TRPM1: variants seen among roughly 807,000 people sequenced by gnomAD.
TRPM1 encodes the protein TRPM1-203 APA Isoform, Intron 10.
Under a neutral mutation model 149.4 loss-of-function variants are expected in TRPM1, and 113 were observed. The observed-to-expected ratio is 0.76, with a 90% CI of 0.65 to 0.88. The LOEUF (loss-of-function observed/expected upper bound fraction) is 0.88. Ranked by LOEUF, TRPM1 falls within the 40% of genes least tolerant of loss-of-function variation. TRPM1 has a pLI of 0.00. For missense variants in TRPM1, 1,976 were observed against 2,038.7 expected (o/e 0.97, Z 0.59); for synonymous variants, 741 against 759.5 (o/e 0.98, Z 0.40).
At chr15:31,089,144 G>C (rs963168685) in intron 1 of TRPM1, among the ~76,000 whole-genome samples, 1 of 152,146 alleles carries the variant, frequency 6.6e-6, no homozygotes, top group African/African-American at 2.4e-5. Flanking sequence ...CTGAAGACAG[G>C]CTGCTGCTGT....
In TRPM1 at chr15:31,042,217, C is replaced by T. The variant is rs2033640747; in HGVS notation, c.1821G>A (p.Lys607=). Residue 607 remains lysine (K), a synonymous_variant, in exon 17 of 28, where the codon AAG becomes AAA. Coordinates refer to ENST00000256552, the MANE Select transcript of TRPM1 (RefSeq NM_001252024.2). ...CCTCCTTTTTCTTCTTTTTCTTTTT[C>T]TTCCCTTTAGCTGGAGGCTCATCAT... is the stretch of plus-strand genomic sequence containing the variant. The part of the protein sequence containing the change: ...MEDDEPPAKG[K]KKKKKKKEEE... The T allele has an allele frequency of 6.3e-7, 1 of 1,594,678 alleles. No homozygotes were observed. The highest frequency in any genetic ancestry group is 8.5e-7 in the Non-Finnish European group (1 of 1,170,510).
chr15:31,114,469 A>G (rs902767552), intron 1 of TRPM1, among the ~76,000 whole-genome samples: 1 of 152,238 alleles, frequency 6.6e-6, no homozygotes, highest in Non-Finnish European at 1.5e-5. Flanking sequence ...TTAATCCACA[A>G]TTTAGGAATC....
At chr15:31,133,690 CA>C (rs371818812) in intron 1 of TRPM1, among the ~76,000 whole-genome samples, 104 of 116,772 alleles carry the variant, frequency 8.9e-4, no homozygotes, top group African/African-American at 2.8e-3. Flanking sequence ...AAAAACAAAA[CA>C]AAAAAAAAAT....
At chr15:31,022,669 C>T (rs1411508000) in intron 27 of TRPM1, among the ~76,000 whole-genome samples, 2 of 152,136 alleles carry the variant, frequency 1.3e-5, no homozygotes, top group Non-Finnish European at 2.9e-5. Context: ...GGGAGCATAG[C>T]TGGTTTCCTT....
chr15:31,036,577 T>G (rs899643727), intron 20 of TRPM1, among the ~76,000 whole-genome samples: 51 of 152,182 alleles, frequency 3.4e-4, no homozygotes, highest in African/African-American at 1.2e-3. Flanking sequence ...TCCTAATCCC[T>G]GCGAAGCTGC....
intron 1 of TRPM1, among the ~76,000 whole-genome samples, chr15:31,092,292 G>A (rs1321240152): frequency 1.3e-5 from 2 of 151,954 alleles, no homozygotes; most frequent in African/African-American, 4.8e-5. Context: ...GTGTGGTGTC[G>A]GTGCGTTGTA....
intron 1 of TRPM1, among the ~76,000 whole-genome samples, chr15:31,099,346 TCTC>T (rs1567054568): frequency 6.6e-6 from 1 of 152,010 alleles, no homozygotes; most frequent in Non-Finnish European, 1.5e-5. Flanking sequence ...GTCCTCTTAT[TCTC>T]CTGGCTGAGG....
At chr15:31,045,634 C>G (rs2033741231) in intron 16 of TRPM1, among the ~76,000 whole-genome samples, 1 of 152,206 alleles carries the variant, frequency 6.6e-6, no homozygotes, top group Non-Finnish European at 1.5e-5. Context: ...CAGGGATGCA[C>G]TGCTCATCAT....
At chr15:31,005,188 C>A (rs921021085) in intron 27 of TRPM1, among the ~76,000 whole-genome samples, 54 of 151,692 alleles carry the variant, frequency 3.6e-4, no homozygotes, top group African/African-American at 1.3e-3. Flanking sequence ...CCTTTTGTAT[C>A]AAAAAAAACC....
intron 2 of TRPM1, among the ~76,000 whole-genome samples, chr15:31,077,732 A>ATG (rs144980812): frequency 1.1e-4 from 17 of 150,888 alleles, no homozygotes; most frequent in Middle Eastern, 3.4e-3. Flanking sequence ...TGGATGTATG[A>ATG]TGTGTGTGTG....
intron 1 of TRPM1, among the ~76,000 whole-genome samples, chr15:31,108,072 G>T (rs1180937512): frequency 6.6e-6 from 1 of 152,070 alleles, no homozygotes; most frequent in Non-Finnish European, 1.5e-5. Flanking sequence ...TGGCCAGGCT[G>T]GTCTCGAACT....
At chr15:31,089,759 G>A (rs76973158) in intron 1 of TRPM1, among the ~76,000 whole-genome samples, 14,440 of 152,264 alleles carry the variant, frequency 0.095, 802 homozygotes, top group Non-Finnish European at 0.12. Flanking sequence ...TAATAGGTTA[G>A]TATCATTTTC....
At chr15:31,004,492 T>C (rs1353075762) in intron 27 of TRPM1, among the ~76,000 whole-genome samples, 1 of 152,138 alleles carries the variant, frequency 6.6e-6, no homozygotes, top group African/African-American at 2.4e-5. Flanking sequence ...TGTGCTCTGA[T>C]GTGTCTGTGT....
At chr15:31,027,143 T>G (rs1289771952) in intron 25 of TRPM1, 26 bp from the exon 26 acceptor site, 1 of 1,601,990 alleles carries the variant, frequency 6.2e-7, no homozygotes, top group Non-Finnish European at 8.5e-7. Flanking sequence ...ATTTTTACAG[T>G]TAGTTATATT....
intron 1 of TRPM1, among the ~76,000 whole-genome samples, chr15:31,096,121 C>T (rs1020631933): frequency 3.5e-5 from 5 of 142,432 alleles, no homozygotes; most frequent in Non-Finnish European, 4.6e-5. Flanking sequence ...AAAGAAGAAA[C>T]GAAGGGAAGG....
chr15:31,121,051 A>AC (rs1448354644), intron 1 of TRPM1, among the ~76,000 whole-genome samples: 1 of 151,880 alleles, frequency 6.6e-6, no homozygotes, highest in Non-Finnish European at 1.5e-5. Context: ...AGATGGTGAA[A>AC]CCCCATCTCT....
rs1329176035 is a variant in TRPM1, at chr15:31,067,813, C to G, written c.493+66G>C. 5.3e-6 allele frequency: 8 copies of G among 1,516,016 alleles called. No homozygotes were observed. In the Admixed American group the frequency reaches 1.3e-4, roughly 25 times the overall value. The allele number at this position is 1,516,016 out of a possible 1,614,324, so 93.9% of individuals were successfully genotyped here. ...TGTTGTCCTTAGTTATTAGGAAGCT[C>G]TTTGGGGACCACAGTGAGTTCTGGG... On this transcript the variant is annotated intron_variant, in intron 5 of 27. Coordinates refer to ENST00000256552, the MANE Select transcript of TRPM1 (RefSeq NM_001252024.2).
chr15:31,109,999 T>G (rs899159247), intron 1 of TRPM1, among the ~76,000 whole-genome samples: 1 of 152,222 alleles, frequency 6.6e-6, no homozygotes, highest in Non-Finnish European at 1.5e-5. Context: ...CTGAAAGCTC[T>G]GATCCAAAAA....
rs562603745 is a variant in TRPM1, at chr15:31,150,321, C to T, written c.54+10585G>A. Among the ~76,000 whole-genome samples the T allele has an allele frequency of 8.6e-5, 13 of 151,918 alleles. No homozygotes were observed. The South Asian group carries it at 2.5e-3, about 29-fold the overall frequency. ...GGAGCTGGGCATGCCCTCAGGCTGG[C>T]GTTCCCAGGTGCATTTGGTGTTAGG... On this transcript the variant is annotated intron_variant, in intron 1 of 26. Coordinates refer to the TRPM1 transcript ENST00000542188.
Sources: allele counts gnomAD v4.1 joint callset (sites outside exome capture counted in the v4.1 genomes callset), GRCh38; gene constraint gnomAD v4.1.1; transcripts MANE v1.5; gene names NCBI Gene and HGNC (gene_info 2026-07-23, HGNC 2026-07-21).